The following LRP1B variants were observed in gnomAD, a reference collection of about 807,000 sequenced individuals.
The protein encoded by LRP1B is LDL receptor related protein 1B, also known as low-density lipoprotein receptor-related protein 1B.
A neutral mutation model predicts 556.6 loss-of-function variants in LRP1B; 217 were observed. The ratio of observed to expected loss-of-function variants is 0.39; its 90% confidence interval spans 0.35 to 0.44. The LOEUF is 0.44. Among genes scored for constraint, LRP1B ranks in the 20% least tolerant of loss-of-function variants. LRP1B has a pLI of 1.00. For missense variants in LRP1B, 5,053 were observed against 5,620.8 expected (o/e 0.90, Z 3.23); for synonymous variants, 2,047 against 1,865.8 (o/e 1.10, Z -2.50).
At position 140,534,083 on chromosome 2, in the gene LRP1B, T is replaced by C. The variant is rs200555364; in HGVS notation, c.7700A>G (p.His2567Arg). 5.0e-6 allele frequency: 8 copies of C among 1,613,418 alleles called. No homozygotes were observed. The highest frequency in any genetic ancestry group is 2.2e-5 in the East Asian group (1 of 44,846). The change falls in exon 47 of 91, where the codon CAT becomes CGT. Residue 2567 changes from histidine (H) to arginine (R), a missense_variant. His to Arg is a conservative substitution (Grantham distance 29). Coordinates refer to ENST00000389484, the MANE Select transcript of LRP1B (RefSeq NM_018557.3). ...KPCYNRRCIP[H>R]GKLCDGENDC... ...ATTTTCTCCATCACATAACTTGCCA[T>C]GAGGAATGCAGCGGCGATTATAGCA...
intron 79 of LRP1B, among the ~76,000 whole-genome samples, chr2:140,328,085 T>C (rs1680591100): frequency 6.6e-6 from 1 of 152,050 alleles, no homozygotes; most frequent in Admixed American, 6.6e-5. Context: ...CTTTAAAATA[T>C]CATGTCTTCT....
intron 3 of LRP1B, among the ~76,000 whole-genome samples, chr2:141,335,829 T>C (rs2714198): frequency 0.58 from 88,094 of 151,842 alleles, 26,476 homozygotes; most frequent in African/African-American, 0.68. Context: ...GTTGTGTGTA[T>C]ACACCTGTGT....
Position 140,525,995 on chromosome 2 carries a change from T to C in LRP1B, c.7877-2A>G. ...AGAAATGTGTGCAGTCTGTGTTATC[T>C]AGAAGAAGGTAAACAAAAAATGAAA... On this transcript the variant is annotated splice_acceptor_variant, in intron 48 of 90. Transcript: ENST00000389484. LOFTEE classifies it high-confidence loss of function. 1 of 1,611,090 alleles carries C rather than the reference T, an allele frequency of 6.2e-7. No homozygotes were observed. The highest frequency in any genetic ancestry group is 8.5e-7 in the Non-Finnish European group (1 of 1,178,482).
intron 35 of LRP1B, among the ~76,000 whole-genome samples, chr2:140,763,357 A>G (rs1194916243): frequency 2.0e-5 from 3 of 152,056 alleles, no homozygotes; most frequent in African/African-American, 4.8e-5. Flanking sequence ...CTCAGTAGCT[A>G]AAAAGAAATA....
At chr2:140,259,350 G>C (rs16843705) in intron 86 of LRP1B, among the ~76,000 whole-genome samples, 4,615 of 152,160 alleles carry the variant, frequency 0.03, 110 homozygotes, top group East Asian at 0.13. Flanking sequence ...AGTAAGTTAA[G>C]ACGGTGTATT....
chr2:140,431,391 C>T (rs1685935148), intron 66 of LRP1B, among the ~76,000 whole-genome samples: 1 of 152,134 alleles, frequency 6.6e-6, no homozygotes, highest in South Asian at 2.1e-4. Flanking sequence ...ATTCCAGGCA[C>T]CAGACCAACT....
intron 3 of LRP1B, among the ~76,000 whole-genome samples, chr2:141,325,603 AATCTAGGT>A (rs1220499912): frequency 6.6e-6 from 1 of 152,026 alleles, no homozygotes; most frequent in African/African-American, 2.4e-5. Flanking sequence ...TTTTCCTTCT[AATCTAGGT>A]AAAAGTGAAA....
intron 89 of LRP1B, among the ~76,000 whole-genome samples, chr2:140,235,892 C>T (rs528367980): frequency 6.6e-6 from 1 of 150,774 alleles, no homozygotes. Flanking sequence ...ATTTTTATTC[C>T]TAAGAAAAAT....
At chr2:142,105,475 T>A (rs1706715169) in intron 1 of LRP1B, among the ~76,000 whole-genome samples, 1 of 152,176 alleles carries the variant, frequency 6.6e-6, no homozygotes, top group East Asian at 1.9e-4. Flanking sequence ...GCTGTATAGT[T>A]CACAAAATGT....
At chr2:141,379,022 A>G (rs1689538520) in intron 3 of LRP1B, among the ~76,000 whole-genome samples, 1 of 152,144 alleles carries the variant, frequency 6.6e-6, no homozygotes, top group Non-Finnish European at 1.5e-5. Flanking sequence ...AACCCAACAA[A>G]TCTCAAGGGA....
In LRP1B at chr2:142,088,368, C is replaced by T. The variant is rs554061893; in HGVS notation, c.82+42280G>A. On this transcript the variant is annotated intron_variant, in intron 1 of 90. Transcript: ENST00000389484. ...ACTATTAGTTGGTTTTAGTATATTG[C>T]GTAACTAGTGTTGAATTTTGCATTG... Among the ~76,000 whole-genome samples the T allele has an allele frequency of 5.3e-5, 8 of 152,056 alleles. No individual in the cohort carries two copies. In the East Asian group the frequency reaches 5.8e-4, roughly 11 times the overall value.
intron 6 of LRP1B, among the ~76,000 whole-genome samples, chr2:141,221,212 A>G (rs552349477): frequency 6.6e-6 from 1 of 151,532 alleles, no homozygotes; most frequent in African/African-American, 2.4e-5. Flanking sequence ...AGGAAAATTT[A>G]TCAAGCAAAT....
At chr2:141,289,926 G>T (rs1231635324) in intron 3 of LRP1B, among the ~76,000 whole-genome samples, 1 of 152,114 alleles carries the variant, frequency 6.6e-6, no homozygotes, top group Non-Finnish European at 1.5e-5. Context: ...TTACATGTGT[G>T]TTTATTTTAA....
intron 43 of LRP1B, among the ~76,000 whole-genome samples, chr2:140,563,865 G>A (rs537848557): frequency 6.6e-6 from 1 of 152,276 alleles, no homozygotes; most frequent in East Asian, 1.9e-4. Context: ...GAAAAAGTGA[G>A]AAGATGAATG....
intron 43 of LRP1B, among the ~76,000 whole-genome samples, chr2:140,596,572 G>A (rs1243822965): frequency 6.6e-6 from 1 of 152,146 alleles, no homozygotes; most frequent in Non-Finnish European, 1.5e-5. Flanking sequence ...AAGTGTTTAT[G>A]GGTAACATAT....
intron 1 of LRP1B, among the ~76,000 whole-genome samples, chr2:141,823,436 T>A (rs1696819911): frequency 6.6e-6 from 1 of 152,052 alleles, no homozygotes; most frequent in Non-Finnish European, 1.5e-5. Flanking sequence ...TATTGTTTAG[T>A]CACTGTGTGT....
chr2:141,873,520 G>C (rs1406050253), intron 1 of LRP1B, among the ~76,000 whole-genome samples: 1 of 151,928 alleles, frequency 6.6e-6, no homozygotes, highest in Non-Finnish European at 1.5e-5. Context: ...TGTTTAACTT[G>C]AGTCAGAGCT....
chr2:140,311,340 C>T (rs911412844), intron 83 of LRP1B, among the ~76,000 whole-genome samples: 4 of 151,818 alleles, frequency 2.6e-5, no homozygotes, highest in Non-Finnish European at 5.9e-5. Context: ...CTATGGGATA[C>T]TACTTCGCCA....
chr2:141,416,146 G>A (rs1223733986), intron 3 of LRP1B, among the ~76,000 whole-genome samples: 2 of 152,120 alleles, frequency 1.3e-5, no homozygotes, highest in Admixed American at 6.5e-5. Flanking sequence ...CAGTGAAAAT[G>A]TACCTTTCAG....
Sources: gnomAD v4.1 joint callset for allele counts (sites outside exome capture counted in the v4.1 genomes callset) on GRCh38, gnomAD v4.1.1 for gene constraint, MANE v1.5 for transcripts, NCBI Gene and HGNC (gene_info 2026-07-23, HGNC 2026-07-21) for gene names.